Variants in LZTFL1 observed in about 807,000 individuals in gnomAD.
LZTFL1 encodes the protein leucine zipper transcription factor like 1.
In LZTFL1, 25 loss-of-function variants were observed where a neutral mutation model predicts 45.9. That is an observed-to-expected ratio of 0.54 (90% CI 0.40 to 0.76). The LOEUF is 0.76. LZTFL1 is among the 30% of genes least tolerant of loss of function. LZTFL1 has a pLI of 0.00. For missense variants in LZTFL1, 277 were observed against 331.1 expected (o/e 0.84, Z 1.27); for synonymous variants, 93 against 117.4 (o/e 0.79, Z 1.35).
rs1701672662 is a variant in LZTFL1 at position 45,871,675 on chromosome 3, T to TTA, written c.-214-12660_-214-12659insTA. ...AAAGTCTGTGGTATGTGTATGTGCA[T>TTA]TTTTTTTTTTCCATAGAGTGACGCT... On this transcript the variant is annotated intron_variant, in intron 2 of 4. Transcript: ENST00000472635. Among the ~76,000 whole-genome samples the TTA allele has an allele frequency of 9.1e-5, 4 of 44,144 alleles. No homozygotes were observed. In the African/African-American group the frequency reaches 2.7e-3, roughly 30 times the overall value. 29.0% of individuals were successfully genotyped at this position (44,144 alleles called of 152,430 possible).
rs1559421497 is a variant in LZTFL1 at position 45,890,308 on chromosome 3, T to TATATAAATATATATATAACATAA, written c.-215+22811_-215+22812insTTATGTTATATATATATTTATAT. ...TTTATATAAATATATATATAACATA[T>TATATAAATATATATATAACATAA]ATATATATTTATATAAATATATATA... On this transcript the variant is annotated intron_variant, in intron 2 of 4. Transcript: ENST00000472635. 5.9e-4 allele frequency among the ~76,000 whole-genome samples: 46 copies of TATATAAATATATATATAACATAA among 77,354 alleles called. 9 individuals are homozygous for TATATAAATATATATATAACATAA. The African/African-American group carries it at 6.3e-3, about 11-fold the overall frequency. The allele number at this position is 77,354 out of a possible 152,430, so 50.7% of individuals were successfully genotyped here. A position where few individuals can be genotyped will look rare whatever the true frequency, so the allele number is the denominator to read the frequency against.
chr3:45,903,178 G>T (rs1702611635), intron 2 of LZTFL1: 1 of 166,948 alleles, frequency 6.0e-6, no homozygotes, highest in Admixed American at 6.5e-5. Flanking sequence ...GATACATTAA[G>T]AGTGTGAAGG....
In LZTFL1 at chr3:45,900,965, C is replaced by A; in HGVS notation, c.-215+12155G>T. The A allele has an allele frequency of 6.2e-7, 1 of 1,614,188 alleles. No homozygotes were observed. The highest frequency in any genetic ancestry group is 8.5e-7 in the Non-Finnish European group (1 of 1,180,030). ...TCCCACCCTTGTACTGGCTCGTGTT[C>A]ATCGTGGGTGCCTTGGGCAACAGTC... On this transcript the variant is annotated intron_variant, in intron 2 of 4. Transcript: ENST00000472635. The surrounding 1 kb of genome is among the most constrained non-coding windows in gnomAD (Gnocchi z 4.7).
intron 3 of LZTFL1, among the ~76,000 whole-genome samples, chr3:45,856,351 A>T (rs775651123): frequency 3.9e-5 from 6 of 152,092 alleles, no homozygotes; most frequent in Non-Finnish European, 7.4e-5. Context: ...ATTGAAACTG[A>T]ATCCCTTCCT....
In LZTFL1 at chr3:45,841,773, C is replaced by G; in HGVS notation, c.3+216G>C. On this transcript the variant is annotated intron_variant, in intron 1 of 9. Coordinates refer to ENST00000296135, the MANE Select transcript of LZTFL1 (RefSeq NM_020347.4). ...GAAGCGATGCGGCGGAGCTGGGCTG[C>G]TGGGAAAAGGCTTCACCCAGGATTA... The G allele has an allele frequency of 8.1e-6, 5 of 620,942 alleles. 1 individual carries two copies. Among genetic ancestry groups the G allele is most frequent in the South Asian group, 6.0e-5 (3 of 50,036 alleles). The allele number at this position is 620,942 out of a possible 1,614,324, so 38.5% of individuals were successfully genotyped here.
chr3:45,824,700 A>G lies in LZTFL1; in HGVS notation c.*1614T>C, dbSNP rs1700619720. The G allele has an allele frequency of 2.5e-6, 1 of 397,104 alleles. No individual in the cohort carries two copies. Among genetic ancestry groups the G allele is most frequent in the African/African-American group, 2.1e-5 (1 of 48,584 alleles). 24.6% of individuals were successfully genotyped at this position (397,104 alleles called of 1,614,324 possible). ...TAATTGAATGGTTTCTGAAGGCCAC[A>G]CTAGCCCTTTAGCCAAGAGTTCTGC... On this transcript the variant is annotated 3_prime_UTR_variant, in exon 10 of 10. Transcript: ENST00000296135.
chr3:45,901,681 G>T lies in LZTFL1; in HGVS notation c.-215+11439C>A, dbSNP rs775678808. ...GCCGTTTCCACCAACATTGACATCT[G>T]CTTCCAGGTCACCCAGACCATCGCC... On this transcript the variant is annotated intron_variant, in intron 2 of 4. Transcript: ENST00000472635. This position sits in a 1 kb window ranked among gnomAD's most constrained non-coding sequence, Gnocchi z 4.3. 1.2e-6 allele frequency: 2 copies of T among 1,613,906 alleles called. No homozygotes were observed. The highest frequency in any genetic ancestry group is 1.7e-6 in the Non-Finnish European group (2 of 1,179,900).
intron 1 of LZTFL1, chr3:45,841,609 T>C (rs755576847): frequency 8.7e-5 from 26 of 299,106 alleles, no homozygotes; most frequent in Middle Eastern, 1.0e-3. Context: ...TGTGTGTGTG[T>C]GCGTAAACTT....
intron 1 of LZTFL1, 134 bp from the exon 2 acceptor site, chr3:45,838,185 C>G (rs555383645): frequency 8.8e-5 from 84 of 951,662 alleles, no homozygotes; most frequent in Non-Finnish European, 1.2e-4. Flanking sequence ...TTCTTCCTGG[C>G]TGCATGGCTG....
At position 45,837,239 on chromosome 3, in the gene LZTFL1, T is replaced by C. The variant is rs1310807824; in HGVS notation, c.128+688A>G. On this transcript the variant is annotated intron_variant, in intron 2 of 9. Coordinates refer to ENST00000296135, the MANE Select transcript of LZTFL1 (RefSeq NM_020347.4). ...CTATATTCTTCAATAGAACATATGT[T>C]CTCGCCAATTAAATTGTTGCTTTCA... Among the ~76,000 whole-genome samples the C allele has an allele frequency of 4.6e-5, 7 of 152,342 alleles. No individual in the cohort carries two copies. In the East Asian group the frequency reaches 1.2e-3, roughly 25 times the overall value.
chr3:45,839,096 C>CTTT (rs1701039431), intron 1 of LZTFL1, among the ~76,000 whole-genome samples: 1 of 151,242 alleles, frequency 6.6e-6, no homozygotes. Flanking sequence ...AATACAGATT[C>CTTT]TTTTTTTTTA....
intron 5 of LZTFL1, among the ~76,000 whole-genome samples, chr3:45,832,196 G>A (rs530228234): frequency 5.1e-4 from 78 of 152,192 alleles, no homozygotes; most frequent in African/African-American, 1.8e-3. Context: ...ACTCCAGCCT[G>A]GGCGACAGAG....
chr3:45,835,635 T>C lies in LZTFL1; in HGVS notation c.278A>G (p.Lys93Arg). 1 of 1,614,214 alleles carries C rather than the reference T, an allele frequency of 6.2e-7. No homozygotes were observed. The highest frequency in any genetic ancestry group is 1.7e-5 in the Admixed American group (1 of 60,030). ...LLRQLFAQAE[K>R]WYLKLQTDIS... The stretch of plus-strand genomic sequence containing the variant: ...GTCTGTCTGTAGCTTAAGATACCAC[T>C]TCTCAGCTTGTGCAAACAGCTGTCG... The change falls in exon 3 of 10, where the codon AAG becomes AGG. Residue 93 changes from lysine (K) to arginine (R), a missense_variant. Coordinates refer to ENST00000296135, the MANE Select transcript of LZTFL1 (RefSeq NM_020347.4).
At position 45,826,164 on chromosome 3, in the gene LZTFL1, G is replaced by A. The variant is rs867345607; in HGVS notation, c.*150C>T. On this transcript the variant is annotated 3_prime_UTR_variant, in exon 10 of 10. Coordinates refer to ENST00000296135, the MANE Select transcript of LZTFL1 (RefSeq NM_020347.4). Reference sequence around the variant, plus strand: ...AGGTTTTCTCTGTTTTCAACTAGCTGAAAATAGGAACTCTAGTTCTAAATA... The same window carrying A: ...AGGTTTTCTCTGTTTTCAACTAGCTAAAAATAGGAACTCTAGTTCTAAATA... 1 of 697,596 alleles carries A rather than the reference G, an allele frequency of 1.4e-6. No individual in the cohort carries two copies. The highest frequency in any genetic ancestry group is 1.9e-5 in the South Asian group (1 of 51,886). 43.2% of individuals were successfully genotyped at this position (697,596 alleles called of 1,614,324 possible).
intron 4 of LZTFL1, among the ~76,000 whole-genome samples, chr3:45,850,740 G>T (rs1418009147): frequency 6.6e-6 from 1 of 152,046 alleles, no homozygotes; most frequent in Non-Finnish European, 1.5e-5. Flanking sequence ...CCCAACACCT[G>T]TACCTATGGG....
intron 4 of LZTFL1, among the ~76,000 whole-genome samples, chr3:45,851,705 A>T (rs1032810282): frequency 6.6e-6 from 1 of 151,612 alleles, no homozygotes; most frequent in Non-Finnish European, 1.5e-5. Context: ...TTTCCCAGCC[A>T]GGTGCGGTGG....
At chr3:45,874,000 C>T (rs1230529789) in intron 2 of LZTFL1, among the ~76,000 whole-genome samples, 1 of 152,186 alleles carries the variant, frequency 6.6e-6, no homozygotes, top group Non-Finnish European at 1.5e-5. Flanking sequence ...TGCACACATG[C>T]ATATATATAC....
intron 1 of LZTFL1, chr3:45,915,416 C>A: frequency 2.3e-6 from 1 of 434,068 alleles, no homozygotes; most frequent in South Asian, 1.6e-5. Context: ...ACCTGCCCCA[C>A]TGACCTGGAA....
chr3:45,856,321 T>C (rs1218000629), intron 3 of LZTFL1, among the ~76,000 whole-genome samples: 3 of 152,172 alleles, frequency 2.0e-5, no homozygotes, highest in African/African-American at 2.4e-5. Context: ...CTGAGAAAAC[T>C]GGCTAGCCAT....
Sources: gnomAD v4.1 joint callset for allele counts (sites outside exome capture counted in the v4.1 genomes callset) on GRCh38, gnomAD v4.1.1 for gene constraint, Gnocchi (gnomAD v3.1) non-coding constraint, MANE v1.5 for transcripts, NCBI Gene and HGNC (gene_info 2026-07-23, HGNC 2026-07-21) for gene names.